Variants in TRAF5 observed in about 807,000 individuals in gnomAD.
TRAF5 encodes the protein TNF receptor associated factor 5.
A neutral mutation model predicts 64.5 loss-of-function variants in TRAF5; 48 were observed. The observed-to-expected ratio is 0.74, with a 90% CI of 0.59 to 0.95. TRAF5 has a LOEUF of 0.95. TRAF5 is among the 40% of genes least tolerant of loss of function. The pLI, the probability that TRAF5 is intolerant of heterozygous loss-of-function variation, is 0.00. For synonymous variants in TRAF5, 206 were observed against 240.5 expected, an observed-to-expected ratio of 0.86 and a Z score of 1.33; for missense variants, 545 against 662.8, an observed-to-expected ratio of 0.82 and a Z score of 1.95.
At chr1:211,361,329 T>C (rs1572085206) in intron 7 of TRAF5, among the ~76,000 whole-genome samples, 167 bp downstream of exon 7, 1 of 152,170 alleles carries the variant, frequency 6.6e-6, no homozygotes, top group African/African-American at 2.4e-5. Flanking sequence ...ATGGGATATA[T>C]ACATATATAG....
intron 9 of TRAF5, among the ~76,000 whole-genome samples, chr1:211,370,964 G>C (rs1011342376): frequency 6.6e-6 from 1 of 152,112 alleles, no homozygotes; most frequent in African/African-American, 2.4e-5. Context: ...TCTAAGAAGA[G>C]AAAGAAGTGA....
At chr1:211,328,160 A>G (rs1572045995) in intron 1 of TRAF5, among the ~76,000 whole-genome samples, 2 of 152,234 alleles carry the variant, frequency 1.3e-5, no homozygotes, top group African/African-American at 4.8e-5. Context: ...TGTACTCACA[A>G]AGCTGAAAAC....
intron 4 of TRAF5, 57 bp from the exon 5 acceptor site, chr1:211,359,855 C>T (rs1703115970): frequency 6.2e-7 from 1 of 1,607,932 alleles, no homozygotes; most frequent in African/African-American, 1.3e-5. Flanking sequence ...TTCCAGCTGA[C>T]TTCTTTCCTA....
At chr1:211,358,899 TAATA>T (rs1309403207) in intron 4 of TRAF5, 15 of 149,120 alleles carry the variant, frequency 1.0e-4, no homozygotes, top group African/African-American at 1.9e-4. Flanking sequence ...TTATTTTTAA[TAATA>T]AATAACAGAA....
At chr1:211,363,670 A>C (rs1703256612) in intron 7 of TRAF5, among the ~76,000 whole-genome samples, 1 of 152,230 alleles carries the variant, frequency 6.6e-6, no homozygotes. Flanking sequence ...TCTTGGCTGC[A>C]AAAAGAATAG....
chr1:211,365,389 A>G lies in TRAF5; in HGVS notation c.710A>G (p.Asn237Ser), dbSNP rs1703317930. Reference sequence around the variant, plus strand: ...TTCATATTGAAGGATAAACGGAGGAACCTGCAGCAACATGAGCATTCAGCC... The same window carrying G: ...TTCATATTGAAGGATAAACGGAGGAGCCTGCAGCAACATGAGCATTCAGCC... ...YGCAVTDKRR[N>S]LQQHEHSALR... is the part of the protein sequence containing the mutation. Residue 237 changes from asparagine (N) to serine (S), a missense_variant, in exon 8 of 11, where the codon AAC becomes AGC. Transcript: ENST00000261464. 6.2e-7 allele frequency: 1 copy of G among 1,613,600 alleles called. No individual in the cohort carries two copies.
In TRAF5 at chr1:211,364,116, A is replaced by G. The variant is rs1057102784; in HGVS notation, c.697-1260A>G. 4.6e-5 allele frequency among the ~76,000 whole-genome samples: 7 copies of G among 152,152 alleles called. No individual in the cohort carries two copies. In the South Asian group the frequency reaches 1.2e-3, roughly 27 times the overall value. On this transcript the variant is annotated intron_variant, in intron 7 of 10. Transcript: ENST00000261464. ...ACCCTAACCCGAATGAAAATTGATG[A>G]TAAATATTTAGTTAAACTGCATGGA...
At chr1:211,357,235 A>G (rs888052312) in intron 4 of TRAF5, 2 of 152,192 alleles carry the variant, frequency 1.3e-5, no homozygotes, top group Admixed American at 1.3e-4. Context: ...TCTCCCGCAC[A>G]CCCACACATT....
intron 1 of TRAF5, among the ~76,000 whole-genome samples, chr1:211,337,230 T>G (rs1342699702): frequency 1.3e-5 from 2 of 152,138 alleles, no homozygotes; most frequent in Non-Finnish European, 2.9e-5. Flanking sequence ...CCATGTAGGG[T>G]GGTCAGCAAA....
rs779925282 is a variant in TRAF5, at chr1:211,359,990, C to T, written c.457C>T (p.Leu153=). ...CCGGGAGCCAGTCCTACGGAAAGAC[C>T]TGAAAGAGCATTTGAGTGCATCCTG... The part of the protein sequence containing the change: ...KCREPVLRKD[L]KEHLSASCQF... Residue 153 remains leucine (L), a synonymous_variant, in exon 5 of 11, where the codon CTG becomes TTG. Coordinates refer to ENST00000261464, the MANE Select transcript of TRAF5 (RefSeq NM_001033910.3). The T allele has an allele frequency of 1.2e-6, 2 of 1,614,088 alleles. No individual in the cohort carries two copies. Among genetic ancestry groups the T allele is most frequent in the Non-Finnish European group, 1.7e-6 (2 of 1,179,964 alleles).
chr1:211,361,163 G>A lies in TRAF5; in HGVS notation c.696+1G>A. The A allele has an allele frequency of 6.2e-7, 1 of 1,613,980 alleles. No homozygotes were observed. The highest frequency in any genetic ancestry group is 8.5e-7 in the Non-Finnish European group (1 of 1,179,900). ...TAAGCACTATGGCTGTGCTGTAACGGTATGGAATGACTTTTTGTTTCTGCC... is the reference window on the plus strand; with the variant it reads ...TAAGCACTATGGCTGTGCTGTAACGATATGGAATGACTTTTTGTTTCTGCC... On this transcript the variant is annotated splice_donor_variant, in intron 7 of 10. Coordinates refer to ENST00000261464, the MANE Select transcript of TRAF5 (RefSeq NM_001033910.3). LOFTEE classifies it high-confidence loss of function.
At chr1:211,367,431 G>A (rs1703390162) in intron 8 of TRAF5, among the ~76,000 whole-genome samples, 1 of 152,150 alleles carries the variant, frequency 6.6e-6, no homozygotes, top group Non-Finnish European at 1.5e-5. Context: ...TGTGGTGATG[G>A]TAAAAAGGGA....
intron 7 of TRAF5, among the ~76,000 whole-genome samples, chr1:211,363,910 C>CAAAA (rs35539677): frequency 1.4e-4 from 12 of 85,714 alleles, no homozygotes; most frequent in Non-Finnish European, 1.8e-4. Flanking sequence ...GACCCTGTCT[C>CAAAA]AAAAAAAAAA....
At chr1:211,354,912 C>T (rs1370611583) in intron 3 of TRAF5, among the ~76,000 whole-genome samples, 4 of 152,108 alleles carry the variant, frequency 2.6e-5, no homozygotes, top group Admixed American at 6.5e-5. Flanking sequence ...TTATTTATAG[C>T]CTGTAATCCT....
At chr1:211,371,097 C>T (rs1440630246) in intron 9 of TRAF5, among the ~76,000 whole-genome samples, 1 of 152,076 alleles carries the variant, frequency 6.6e-6, no homozygotes, top group Non-Finnish European at 1.5e-5. Context: ...AGAACAGGAG[C>T]TGTGGTAGGA....
chr1:211,338,996 C>T (rs1230662685), intron 1 of TRAF5, among the ~76,000 whole-genome samples: 1 of 152,216 alleles, frequency 6.6e-6, no homozygotes, highest in Non-Finnish European at 1.5e-5. Context: ...GTAAGCGGTA[C>T]TGCCTGCCAT....
intron 1 of TRAF5, among the ~76,000 whole-genome samples, chr1:211,345,607 G>A (rs1425176120): frequency 6.6e-6 from 1 of 152,202 alleles, no homozygotes; most frequent in African/African-American, 2.4e-5. Context: ...ACCCATTGGT[G>A]GGCCTTGGGT....
At chr1:211,369,880 G>A (rs1199968262) in intron 9 of TRAF5, among the ~76,000 whole-genome samples, 2 of 152,066 alleles carry the variant, frequency 1.3e-5, no homozygotes, top group South Asian at 2.1e-4. Flanking sequence ...AACCATTTGC[G>A]AGTACGCTGC....
chr1:211,326,882 A>G lies in TRAF5; in HGVS notation c.-9A>G, dbSNP rs1487859408. On this transcript the variant is annotated 5_prime_UTR_variant, in exon 1 of 11. Coordinates refer to ENST00000261464, the MANE Select transcript of TRAF5 (RefSeq NM_001033910.3). This position sits in a 1 kb window ranked among gnomAD's most constrained non-coding sequence, Gnocchi z 5.0. Reference sequence around the variant, plus strand: ...CCGGCCTCGCGGAGCCCGCGCGCCGAGCCCCACGTGAGTCCGGCGGGTCGC... The same window carrying G: ...CCGGCCTCGCGGAGCCCGCGCGCCGGGCCCCACGTGAGTCCGGCGGGTCGC... 5 of 985,140 alleles carry G rather than the reference A, an allele frequency of 5.1e-6. No individual in the cohort carries two copies. The highest frequency in any genetic ancestry group is 6.0e-6 in the Non-Finnish European group (5 of 829,592). 61.0% of individuals were successfully genotyped at this position (985,140 alleles called of 1,614,324 possible).
Sources: allele counts gnomAD v4.1 joint callset (sites outside exome capture counted in the v4.1 genomes callset), GRCh38; gene constraint gnomAD v4.1.1; non-coding constraint Gnocchi (gnomAD v3.1); transcripts MANE v1.5; gene names NCBI Gene and HGNC (gene_info 2026-07-23, HGNC 2026-07-21).